The following SENP7 variants were observed in gnomAD, a reference collection of about 807,000 sequenced individuals.
SENP7 encodes the protein sentrin-specific protease 7.
SENP7 carries 64 observed loss-of-function variants against 141.2 expected under a neutral mutation model. That is an observed-to-expected ratio of 0.45 (90% CI 0.37 to 0.56). The LOEUF is 0.56. Ranked by LOEUF, SENP7 falls within the 20% of genes least tolerant of loss-of-function variation. The pLI, the probability that SENP7 is intolerant of heterozygous loss-of-function variation, is 0.00. For synonymous variants in SENP7, 382 were observed against 426.4 expected (o/e 0.90, Z 1.28); for missense variants, 1,025 against 1,212.2 (o/e 0.85, Z 2.29).
At chr3:101,351,763 C>T in intron 11 of SENP7, 112 bp from the exon 12 acceptor site, 1 of 816,194 alleles carries the variant, frequency 1.2e-6, no homozygotes, top group Non-Finnish European at 1.7e-6. Flanking sequence ...TATAAGTGCT[C>T]AAGCCTTTTT....
In SENP7 at chr3:101,324,968, A is replaced by C. The variant is rs755665052; in HGVS notation, c.*975T>G. 9 of 152,072 alleles carry C rather than the reference A, an allele frequency of 5.9e-5. No homozygotes were observed. Among genetic ancestry groups the C allele is most frequent in the Non-Finnish European group, 1.3e-4 (9 of 67,974 alleles). 9.4% of individuals were successfully genotyped at this position (152,072 alleles called of 1,614,324 possible). A position where few individuals can be genotyped will look rare whatever the true frequency, so the allele number is the denominator to read the frequency against. Reference sequence around the variant, plus strand: ...GGTCTCTAAAAGCTACAATTTAAAAATATAAAAGCAATGAGAGCAATCTGG... The same window carrying C: ...GGTCTCTAAAAGCTACAATTTAAAACTATAAAAGCAATGAGAGCAATCTGG... On this transcript the variant is annotated 3_prime_UTR_variant, in exon 24 of 24. Transcript: ENST00000394095.
chr3:101,456,700 G>T (rs1454908581), intron 4 of SENP7, among the ~76,000 whole-genome samples: 2 of 152,100 alleles, frequency 1.3e-5, no homozygotes, highest in African/African-American at 4.8e-5. Flanking sequence ...CAAAATTATT[G>T]ATTGTTATCC....
chr3:101,480,501 A>G (rs1377170519), intron 3 of SENP7, among the ~76,000 whole-genome samples: 1 of 152,178 alleles, frequency 6.6e-6, no homozygotes, highest in Non-Finnish European at 1.5e-5. Flanking sequence ...CCTATTCCTC[A>G]CCATATACAA....
At chr3:101,453,409 G>A (rs544277565) in intron 4 of SENP7, among the ~76,000 whole-genome samples, 22 of 152,144 alleles carry the variant, frequency 1.4e-4, no homozygotes, top group African/African-American at 3.1e-4. Flanking sequence ...ATAAAGACAC[G>A]TGCACACCTA....
chr3:101,483,062 C>G (rs1419397279), intron 3 of SENP7, among the ~76,000 whole-genome samples: 1 of 152,100 alleles, frequency 6.6e-6, no homozygotes, highest in Admixed American at 6.6e-5. Flanking sequence ...TAAAATAGAC[C>G]TACCATTTGA....
At chr3:101,510,250 A>C (rs2065794378) in intron 1 of SENP7, among the ~76,000 whole-genome samples, 1 of 152,178 alleles carries the variant, frequency 6.6e-6, no homozygotes, top group Admixed American at 6.5e-5. Flanking sequence ...ATCACCATCT[A>C]ATATACTGCT....
At position 101,459,006 on chromosome 3, in the gene SENP7, T is replaced by C. The variant is rs2063456901; in HGVS notation, c.233A>G (p.Asn78Ser). 2 of 1,610,252 alleles carry C rather than the reference T, an allele frequency of 1.2e-6. No homozygotes were observed. Among genetic ancestry groups the C allele is most frequent in the African/African-American group, 2.7e-5 (2 of 74,756 alleles). ...RNKVISLDHK[N>S]KKHIRGCPVT... ...AGGACACCCTCGGATATGTTTTTTA[T>C]TTTTATGGTCTAGAGAGATGACTTT... The change falls in exon 4 of 24, where the codon AAT becomes AGT. Residue 78 changes from asparagine to serine, a missense_variant. By Grantham distance (46) the Asn-to-Ser change is conservative. Around this residue, in one of 4 missense-constraint regions of SENP7, gnomAD observed 496 missense variants for 503.5 expected, o/e 0.99. Coordinates refer to ENST00000394095, the MANE Select transcript of SENP7 (RefSeq NM_020654.5).
intron 8 of SENP7, among the ~76,000 whole-genome samples, chr3:101,367,562 C>T (rs781471243): frequency 6.6e-6 from 1 of 151,970 alleles, no homozygotes; most frequent in East Asian, 1.9e-4. Context: ...TGTACAACTA[C>T]CTACTAAGGA....
intron 4 of SENP7, among the ~76,000 whole-genome samples, chr3:101,436,931 C>T (rs1253935469): frequency 6.6e-6 from 1 of 152,060 alleles, no homozygotes; most frequent in Admixed American, 6.5e-5. Context: ...TGCTGGTATA[C>T]ACCAGAAAAA....
chr3:101,432,339 G>C lies in SENP7; in HGVS notation c.285-14549C>G, dbSNP rs1453920711. 2.0e-5 allele frequency among the ~76,000 whole-genome samples: 3 copies of C among 149,890 alleles called. No individual in the cohort carries two copies. In the South Asian group the frequency reaches 6.2e-4, roughly 31 times the overall value. ...TCCCTGACTCCCGGACAGCACTTCT[G>C]GACTGACCAAGGGCTTGGGAGATCT... is the stretch of plus-strand genomic sequence containing the variant. On this transcript the variant is annotated intron_variant, in intron 4 of 23. Coordinates refer to ENST00000394095, the MANE Select transcript of SENP7 (RefSeq NM_020654.5).
intron 5 of SENP7, among the ~76,000 whole-genome samples, chr3:101,408,865 C>T (rs1344937984): frequency 1.3e-5 from 2 of 152,146 alleles, no homozygotes; most frequent in African/African-American, 4.8e-5. Flanking sequence ...CCTCTGAGAA[C>T]TGGAACAAGA....
chr3:101,394,449 T>C (rs2060905688), intron 6 of SENP7, among the ~76,000 whole-genome samples: 1 of 152,190 alleles, frequency 6.6e-6, no homozygotes, highest in Non-Finnish European at 1.5e-5. Flanking sequence ...TCCTTTCCTT[T>C]AGATAAATAC....
At chr3:101,375,077 G>A (rs2060282961) in intron 6 of SENP7, among the ~76,000 whole-genome samples, 1 of 151,970 alleles carries the variant, frequency 6.6e-6, no homozygotes, top group African/African-American at 2.4e-5. Flanking sequence ...CACAGATTAG[G>A]ACAGAGTAAT....
intron 3 of SENP7, among the ~76,000 whole-genome samples, chr3:101,475,128 G>C (rs1576465523): frequency 6.6e-6 from 1 of 151,944 alleles, no homozygotes; most frequent in Non-Finnish European, 1.5e-5. Context: ...AACTTAAAAA[G>C]AGACAAGACA....
At chr3:101,392,948 A>G (rs1404690323) in intron 6 of SENP7, among the ~76,000 whole-genome samples, 1 of 152,178 alleles carries the variant, frequency 6.6e-6, no homozygotes, top group Non-Finnish European at 1.5e-5. Flanking sequence ...CATGGACTGC[A>G]CTACAGTCTG....
At chr3:101,442,166 A>C (rs1054021767) in intron 4 of SENP7, among the ~76,000 whole-genome samples, 2 of 152,238 alleles carry the variant, frequency 1.3e-5, no homozygotes, top group Admixed American at 1.3e-4. Context: ...AAAAAAATAC[A>C]ATAATTCTCC....
intron 3 of SENP7, among the ~76,000 whole-genome samples, chr3:101,488,158 T>G (rs2064808423): frequency 6.6e-6 from 1 of 152,168 alleles, no homozygotes; most frequent in African/African-American, 2.4e-5. Context: ...GTGGTTCTTC[T>G]TGTAGACTCT....
intron 4 of SENP7, among the ~76,000 whole-genome samples, chr3:101,436,054 T>G (rs996666418): frequency 6.6e-6 from 1 of 152,050 alleles, no homozygotes; most frequent in Non-Finnish European, 1.5e-5. Flanking sequence ...CAAAACAGCA[T>G]GGAAATGGCA....
chr3:101,397,035 G>A (rs6762811), intron 6 of SENP7, among the ~76,000 whole-genome samples: 60,081 of 151,560 alleles, frequency 0.4, 12,371 homozygotes, highest in Admixed American at 0.53. Flanking sequence ...TAGAGACAAG[G>A]TTTCACCATG....
Sources: gnomAD v4.1 joint callset for allele counts (sites outside exome capture counted in the v4.1 genomes callset) on GRCh38, gnomAD v4.1.1 for gene constraint, gnomAD v4.1.1 regional missense constraint, MANE v1.5 for transcripts, NCBI Gene and HGNC (gene_info 2026-07-23, HGNC 2026-07-21) for gene names.